Variants in PRKG1 observed in about 807,000 individuals in gnomAD.
The protein encoded by PRKG1 is protein kinase cGMP-dependent 1, also known as cGMP-dependent protein kinase 1.
PRKG1 carries 35 observed loss-of-function variants against 88.1 expected under a neutral mutation model. That is an observed-to-expected ratio of 0.40 (90% confidence interval 0.30 to 0.53). The LOEUF (loss-of-function observed/expected upper bound fraction) is 0.53, where lower values mean the gene tolerates loss of function less well. Ranked by LOEUF, PRKG1 falls within the 20% of genes least tolerant of loss-of-function variation. PRKG1 has a pLI of 0.59. For missense variants in PRKG1, 540 were observed against 839.8 expected (o/e 0.64, Z 4.41); for synonymous variants, 303 against 292.5 (o/e 1.04, Z -0.37).
At chr10:51,274,641 G>A (rs1840068158) in intron 2 of PRKG1, among the ~76,000 whole-genome samples, 1 of 152,188 alleles carries the variant, frequency 6.6e-6, no homozygotes, top group Non-Finnish European at 1.5e-5. Flanking sequence ...TGTTAGAGTG[G>A]TGAGTGTTTG....
intron 1 of PRKG1, among the ~76,000 whole-genome samples, chr10:51,014,167 G>C (rs1843027224): frequency 6.6e-6 from 1 of 152,188 alleles, no homozygotes; most frequent in African/African-American, 2.4e-5. Context: ...TATGTATGTT[G>C]CATCTTCTCT....
intron 1 of PRKG1, among the ~76,000 whole-genome samples, chr10:51,081,810 G>A (rs530316045): frequency 2.0e-5 from 3 of 152,278 alleles, no homozygotes; most frequent in African/African-American, 7.2e-5. Context: ...AGGCTGGAGT[G>A]CAGTGACACA....
At chr10:51,642,978 T>C (rs1327077739) in intron 3 of PRKG1, among the ~76,000 whole-genome samples, 1 of 152,216 alleles carries the variant, frequency 6.6e-6, no homozygotes, top group Non-Finnish European at 1.5e-5. Flanking sequence ...AAATCTCTAT[T>C]TCTAAAATCA....
intron 9 of PRKG1, among the ~76,000 whole-genome samples, chr10:52,208,049 A>G (rs1234111375): frequency 6.6e-6 from 1 of 152,188 alleles, no homozygotes; most frequent in Non-Finnish European, 1.5e-5. Context: ...GACTTCACAG[A>G]TAGCTGTGGA....
chr10:51,893,559 C>T (rs1432483579), intron 4 of PRKG1, among the ~76,000 whole-genome samples: 1 of 152,106 alleles, frequency 6.6e-6, no homozygotes, highest in Non-Finnish European at 1.5e-5. Flanking sequence ...ACCACTGTTG[C>T]TTCATTGCAT....
At chr10:52,155,771 C>T (rs1005372515) in intron 8 of PRKG1, among the ~76,000 whole-genome samples, 9 of 98,046 alleles carry the variant, frequency 9.2e-5, no homozygotes, top group African/African-American at 2.8e-4. Context: ...TTTTAAAATT[C>T]AAAACTAGAT....
intron 3 of PRKG1, among the ~76,000 whole-genome samples, chr10:51,647,787 T>G (rs1359791636): frequency 6.6e-6 from 1 of 152,156 alleles, no homozygotes; most frequent in African/African-American, 2.4e-5. Flanking sequence ...TCTTAAATAT[T>G]TAATTGTTTA....
chr10:51,854,302 C>A (rs532603574), intron 4 of PRKG1, among the ~76,000 whole-genome samples: 17 of 152,114 alleles, frequency 1.1e-4, no homozygotes, highest in Admixed American at 4.6e-4. Context: ...TTTGATAGAA[C>A]CAGCTCACTG....
intron 1 of PRKG1, among the ~76,000 whole-genome samples, chr10:51,027,335 G>T (rs1843220657): frequency 6.6e-6 from 1 of 152,158 alleles, no homozygotes; most frequent in South Asian, 2.1e-4. Flanking sequence ...AAGGTATATT[G>T]ACCTAGTGTT....
intron 3 of PRKG1, among the ~76,000 whole-genome samples, chr10:51,522,860 C>A (rs1841770755): frequency 6.6e-6 from 1 of 152,032 alleles, no homozygotes. Context: ...TACTTAGAGA[C>A]TTTAATGCTC....
intron 4 of PRKG1, among the ~76,000 whole-genome samples, chr10:51,905,506 A>G (rs1024321367): frequency 1.3e-5 from 2 of 152,168 alleles, no homozygotes; most frequent in South Asian, 2.1e-4. Context: ...CCTTTTCTCC[A>G]TTCAGATATT....
intron 2 of PRKG1, among the ~76,000 whole-genome samples, chr10:51,235,129 G>A (rs1280691663): frequency 6.6e-6 from 1 of 152,092 alleles, no homozygotes; most frequent in African/African-American, 2.4e-5. Context: ...GGAAGCCAGA[G>A]TTACCTTCCA....
intron 4 of PRKG1, among the ~76,000 whole-genome samples, chr10:51,825,798 T>TG (rs1414496448): frequency 6.6e-6 from 1 of 151,990 alleles, no homozygotes; most frequent in Non-Finnish European, 1.5e-5. Context: ...TGGTTTGGGG[T>TG]GTGGAGGGAA....
At chr10:51,429,975 T>G in intron 2 of PRKG1, among the ~76,000 whole-genome samples, 1 of 152,166 alleles carries the variant, frequency 6.6e-6, no homozygotes, top group East Asian at 1.9e-4. Flanking sequence ...AGTTATAAAC[T>G]TCATAAATTA....
At position 51,990,223 on chromosome 10, in the gene PRKG1, G is replaced by T. The variant is rs11000394; in HGVS notation, c.763-64261G>T. Among the ~76,000 whole-genome samples, 1,477 of 152,136 alleles carry T rather than the reference G, an allele frequency of 9.7e-3. 15 individuals are homozygous for T. Among genetic ancestry groups the T allele is most frequent in the African/African-American group, 0.03 (1,251 of 41,532 alleles). ...TTTTATGCCAGAACCATGCATTTTTGATTACTATGGCTTTGCAGTATAATT... is the reference window on the plus strand; with the variant it reads ...TTTTATGCCAGAACCATGCATTTTTTATTACTATGGCTTTGCAGTATAATT... On this transcript the variant is annotated intron_variant, in intron 5 of 17. Transcript: ENST00000373980.
At chr10:51,180,407 T>A (rs80142394) in intron 2 of PRKG1, among the ~76,000 whole-genome samples, 4,705 of 152,294 alleles carry the variant, frequency 0.031, 132 homozygotes, top group South Asian at 0.085. Flanking sequence ...TCCCTCCCTT[T>A]TAACATACTT....
intron 2 of PRKG1, among the ~76,000 whole-genome samples, chr10:51,341,584 C>T (rs974133379): frequency 3.9e-5 from 6 of 152,136 alleles, no homozygotes; most frequent in Admixed American, 3.3e-4. Context: ...GTCTCCAACT[C>T]GTTCCATATT....
chr10:51,549,088 C>T (rs1842512899), intron 3 of PRKG1, among the ~76,000 whole-genome samples: 1 of 141,002 alleles, frequency 7.1e-6, no homozygotes, highest in South Asian at 2.5e-4. Flanking sequence ...CAAGTTTCTT[C>T]CCTTCCTTCT....
intron 2 of PRKG1, among the ~76,000 whole-genome samples, chr10:51,438,225 A>T (rs1838995989): frequency 6.6e-6 from 1 of 151,920 alleles, no homozygotes; most frequent in African/African-American, 2.4e-5. Flanking sequence ...AGAATTACGG[A>T]ATTCCCATAT....
Sources: allele counts gnomAD v4.1 joint callset (sites outside exome capture counted in the v4.1 genomes callset), GRCh38; gene constraint gnomAD v4.1.1; transcripts MANE v1.5; gene names NCBI Gene and HGNC (gene_info 2026-07-23, HGNC 2026-07-21).